NIT2: variants seen among roughly 807,000 people sequenced by gnomAD.
NIT2 encodes nitrilase family member 2, also known as omega-amidase NIT2.
In NIT2, 46 loss-of-function variants were observed where a neutral mutation model predicts 42.7. The observed-to-expected ratio is 1.08, with a 90% CI of 0.85 to 1.38. The LOEUF (loss-of-function observed/expected upper bound fraction) is 1.38. Among genes scored for constraint, NIT2 ranks in the 40% most tolerant of loss-of-function variants. NIT2 has a pLI of 0.00. For missense variants in NIT2, 309 were observed against 342.5 expected (o/e 0.90, Z 0.77); for synonymous variants, 123 against 121.9 (o/e 1.01, Z -0.06).
In NIT2 at chr3:100,355,408, T is replaced by C. The variant is rs986579769; in HGVS notation, c.*140T>C. On this transcript the variant is annotated 3_prime_UTR_variant, in exon 10 of 10. Coordinates refer to ENST00000394140, the MANE Select transcript of NIT2 (RefSeq NM_020202.5). ...GGTTCTCTATTGAGATGAGAAAGCC[T>C]CATTATGCTGACATTTTCCACGCCA... is the stretch of plus-strand genomic sequence containing the variant. The C allele has an allele frequency of 3.3e-6, 2 of 603,846 alleles. No homozygotes were observed. Among genetic ancestry groups the C allele is most frequent in the Non-Finnish European group, 5.8e-6 (2 of 346,930 alleles). The allele number at this position is 603,846 out of a possible 1,614,324, so 37.4% of individuals were successfully genotyped here.
At position 100,360,833 on chromosome 3, in the gene NIT2, A is replaced by ACTAT. The variant is rs1483668108; in HGVS notation, c.*5568_*5571dup. ...ATAATGACAGCTTTGGAAGGTAGAG[A>ACTAT]CTATCTTCCTCTGGATCATAGGACA... On this transcript the variant is annotated 3_prime_UTR_variant, in exon 10 of 10. Coordinates refer to ENST00000394140, the MANE Select transcript of NIT2 (RefSeq NM_020202.5). The ACTAT allele has an allele frequency of 6.6e-6, 1 of 152,194 alleles. No homozygotes were observed. Among genetic ancestry groups the ACTAT allele is most frequent in the East Asian group, 1.9e-4 (1 of 5,194 alleles). 9.4% of individuals were successfully genotyped at this position (152,194 alleles called of 1,614,324 possible).
chr3:100,348,966 T>A (rs1706245746), intron 7 of NIT2, 85 bp downstream of exon 7: 6 of 1,118,314 alleles, frequency 5.4e-6, no homozygotes, highest in Non-Finnish European at 6.7e-6. Flanking sequence ...CCAGCCTTCC[T>A]GATGTGGATT....
chr3:100,348,750 G>T lies in NIT2; in HGVS notation c.506-53G>T, dbSNP rs1360059101. The T allele has an allele frequency of 9.0e-6, 13 of 1,444,802 alleles. No individual in the cohort carries two copies. In the Admixed American group the frequency reaches 2.2e-4, roughly 24 times the overall value. 89.5% of individuals were successfully genotyped at this position (1,444,802 alleles called of 1,614,324 possible). ...AGATAAGGAACAGTGGGGAGGACTG[G>T]TTTTGTTGAGTGCTCACTGCATCCA... On this transcript the variant is annotated intron_variant, in intron 6 of 9. Transcript: ENST00000394140.
chr3:100,336,136 C>T (rs1225453588), intron 1 of NIT2, among the ~76,000 whole-genome samples: 3 of 152,208 alleles, frequency 2.0e-5, no homozygotes, highest in Non-Finnish European at 4.4e-5. Context: ...AATGGGACAT[C>T]TGAGTTTTCC....
intron 6 of NIT2, among the ~76,000 whole-genome samples, chr3:100,347,716 C>T (rs1016200075): frequency 2.0e-5 from 3 of 152,180 alleles, no homozygotes; most frequent in Admixed American, 6.5e-5. Context: ...CTGACCTTGA[C>T]CCCAGCCAGT....
chr3:100,352,491 G>C lies in NIT2; in HGVS notation c.672G>C (p.Val224=), dbSNP rs758917248. ...ATGTTGCCTGGGGACACAGCACCGT[G>C]GTGAACCCTTGGTGAGTAAGGCTAA... ...ASYVAWGHST[V]VNPWGEVLAK... Residue 224 remains valine, a synonymous_variant, in exon 8 of 10, where the codon GTG becomes GTC. Transcript: ENST00000394140. 2 of 1,612,624 alleles carry C rather than the reference G, an allele frequency of 1.2e-6. No individual in the cohort carries two copies. The highest frequency in any genetic ancestry group is 1.7e-6 in the Non-Finnish European group (2 of 1,179,064).
intron 4 of NIT2, among the ~76,000 whole-genome samples, chr3:100,342,200 C>G (rs116160175): frequency 0.037 from 5,556 of 152,212 alleles, 137 homozygotes; most frequent in Middle Eastern, 0.068. Context: ...CCTTCTTATG[C>G]CTAATGTTTG....
At position 100,348,776 on chromosome 3, in the gene NIT2, C is replaced by T. The variant is rs371720074; in HGVS notation, c.506-27C>T. ...TTTTGTTGAGTGCTCACTGCATCCA[C>T]TGTTCTTTGGCTTTTCTCTCCCCAA... On this transcript the variant is annotated intron_variant, in intron 6 of 9. Transcript: ENST00000394140. The T allele has an allele frequency of 1.9e-6, 3 of 1,605,108 alleles. No homozygotes were observed. In the African/African-American group the frequency reaches 4.0e-5, roughly 21 times the overall value.
intron 5 of NIT2, 124 bp downstream of exon 5, chr3:100,345,802 C>A: frequency 1.5e-6 from 1 of 675,546 alleles, no homozygotes. Context: ...GTGAGAAAGG[C>A]AGAGAATCAT....
chr3:100,341,016 TC>T, intron 3 of NIT2, 56 bp from the exon 4 acceptor site: 1 of 1,191,656 alleles, frequency 8.4e-7, no homozygotes, highest in Non-Finnish European at 1.2e-6. Context: ...TATCCCTTTC[TC>T]ACAAAAGAAT....
chr3:100,345,571 T>C lies in NIT2; in HGVS notation c.337-14T>C, dbSNP rs1242735541. 1 of 1,581,986 alleles carries C rather than the reference T, an allele frequency of 6.3e-7. No homozygotes were observed. Among genetic ancestry groups the C allele is most frequent in the Non-Finnish European group, 8.7e-7 (1 of 1,152,200 alleles). On this transcript the variant is annotated splice_polypyrimidine_tract_variant and intron_variant, in intron 4 of 9. Transcript: ENST00000394140. ...CTGGAAAAGAGGTAACCAAATCCAT[T>C]ATTTGTGATGCAGATCCATCTGTTT... is the stretch of plus-strand genomic sequence containing the variant.
intron 8 of NIT2, among the ~76,000 whole-genome samples, chr3:100,353,467 A>G (rs1047354147): frequency 6.6e-6 from 1 of 152,224 alleles, no homozygotes; most frequent in South Asian, 2.1e-4. Flanking sequence ...CCTCCTGCAC[A>G]TTAGGCTTGG....
chr3:100,356,789 A>T lies in NIT2; in HGVS notation c.*1521A>T, dbSNP rs1706328857. ...GTGCTGTATTATAATCCCTCTGGCT[A>T]GTCCTTTGTCAATCACTGATAAATT... is the stretch of plus-strand genomic sequence containing the variant. On this transcript the variant is annotated 3_prime_UTR_variant, in exon 10 of 10. Transcript: ENST00000394140. The T allele has an allele frequency of 6.6e-6, 1 of 152,204 alleles. No individual in the cohort carries two copies. The highest frequency in any genetic ancestry group is 2.4e-5 in the African/African-American group (1 of 41,452). 9.4% of individuals were successfully genotyped at this position (152,204 alleles called of 1,614,324 possible).
chr3:100,347,873 G>A (rs1706233686), intron 6 of NIT2, among the ~76,000 whole-genome samples: 2 of 151,984 alleles, frequency 1.3e-5, no homozygotes, highest in South Asian at 4.1e-4. Context: ...AAGGAGGTTT[G>A]GGCCATCTAC....
chr3:100,350,799 G>C (rs981153474), intron 7 of NIT2, among the ~76,000 whole-genome samples: 5 of 152,092 alleles, frequency 3.3e-5, no homozygotes, highest in African/African-American at 4.8e-5. Flanking sequence ...CTGGTGTGCT[G>C]CACCCATTAA....
At chr3:100,336,941 A>G (rs970735180) in intron 1 of NIT2, among the ~76,000 whole-genome samples, 3 of 152,182 alleles carry the variant, frequency 2.0e-5, no homozygotes, top group East Asian at 1.9e-4. Context: ...AGACTATCAC[A>G]TGGGGAGAAA....
chr3:100,360,292 AGAAAGCAGT>A lies in NIT2; in HGVS notation c.*5035_*5043del, dbSNP rs900706456. The A allele has an allele frequency of 6.6e-6, 1 of 152,274 alleles. No individual in the cohort carries two copies. Among genetic ancestry groups the A allele is most frequent in the African/African-American group, 2.4e-5 (1 of 41,460 alleles). 9.4% of individuals were successfully genotyped at this position (152,274 alleles called of 1,614,324 possible). On this transcript the variant is annotated 3_prime_UTR_variant, in exon 10 of 10. Transcript: ENST00000394140. ...ATTTACTTAAGATCTTAGCTCCATT[AGAAAGCAGT>A]GAAAGCAGTGTTAATTCAGAGGCCG...
intron 7 of NIT2, among the ~76,000 whole-genome samples, chr3:100,351,181 C>T (rs1363689325): frequency 6.6e-6 from 1 of 152,162 alleles, no homozygotes; most frequent in African/African-American, 2.4e-5. Flanking sequence ...GTGCATGTGT[C>T]TTTATAGCAG....
Position 100,345,587 on chromosome 3 carries a change from C to A in NIT2, c.339C>A (p.Ile113=). ...CAAATCCATTATTTGTGATGCAGAT[C>A]CATCTGTTTGACATTGATGTTCCTG... ...DGTLLAKYRK[I]HLFDIDVPGK... The change falls in exon 5 of 10, where the codon ATC becomes ATA. Residue 113 remains isoleucine (I), a splice_region_variant and synonymous_variant. Coordinates refer to ENST00000394140, the MANE Select transcript of NIT2 (RefSeq NM_020202.5). 1.2e-6 allele frequency: 2 copies of A among 1,603,076 alleles called. No homozygotes were observed. Among genetic ancestry groups the A allele is most frequent in the African/African-American group, 1.3e-5 (1 of 74,816 alleles).
Sources: gnomAD v4.1 joint callset for allele counts (sites outside exome capture counted in the v4.1 genomes callset) on GRCh38, gnomAD v4.1.1 for gene constraint, MANE v1.5 for transcripts, NCBI Gene and HGNC (gene_info 2026-07-23, HGNC 2026-07-21) for gene names.